The following CHRM2 variants were observed in gnomAD, a reference collection of about 807,000 sequenced individuals.
The protein encoded by CHRM2 is cholinergic receptor muscarinic 2.
A neutral mutation model predicts 25.0 loss-of-function variants in CHRM2; 8 were observed. The ratio of observed to expected loss-of-function variants is 0.32; its 90% confidence interval spans 0.19 to 0.58. The LOEUF (loss-of-function observed/expected upper bound fraction) is 0.58, where lower values mean the gene tolerates loss of function less well. Ranked by LOEUF, CHRM2 falls within the 20% of genes least tolerant of loss-of-function variation. The pLI, the probability that CHRM2 is intolerant of heterozygous loss-of-function variation, is 0.88. For missense variants in CHRM2, 440 were observed against 567.1 expected (o/e 0.78, Z 2.28); for synonymous variants, 202 against 205.7 (o/e 0.98, Z 0.15).
chr7:136,878,918 G>C (rs954815062), intron 2 of CHRM2, among the ~76,000 whole-genome samples: 1 of 151,748 alleles, frequency 6.6e-6, no homozygotes, highest in Non-Finnish European at 1.5e-5. Flanking sequence ...TTCTGATAAG[G>C]CTAAGGAAAA....
At chr7:137,008,759 C>A (rs1804615721) in intron 3 of CHRM2, among the ~76,000 whole-genome samples, 1 of 152,198 alleles carries the variant, frequency 6.6e-6, no homozygotes, top group Non-Finnish European at 1.5e-5. Flanking sequence ...CATTTCCAAA[C>A]TTTCTTCTTG....
At chr7:136,888,416 T>C (rs1384901573) in intron 2 of CHRM2, among the ~76,000 whole-genome samples, 1 of 152,142 alleles carries the variant, frequency 6.6e-6, no homozygotes, top group Non-Finnish European at 1.5e-5. Flanking sequence ...AGTTGACCTG[T>C]TGTTGTTGGA....
At chr7:136,900,675 G>T (rs900917445) in intron 2 of CHRM2, among the ~76,000 whole-genome samples, 1 of 152,036 alleles carries the variant, frequency 6.6e-6, no homozygotes, top group African/African-American at 2.4e-5. Context: ...AGAATTGCTC[G>T]TCTCATAATT....
chr7:136,921,206 G>A (rs1004408592), intron 2 of CHRM2, among the ~76,000 whole-genome samples: 2 of 152,040 alleles, frequency 1.3e-5, no homozygotes, highest in African/African-American at 4.8e-5. Context: ...CTAACCTCCA[G>A]GTCGTTCTGT....
rs1795732719 is a variant in CHRM2 at position 136,869,593 on chromosome 7, C to T, written c.-125+175C>T. ...CAAACGGAAACTTTGGATCCTGGGGCTTGGAGGGTTGCGAGCAGTGATGGC... is the reference window on the plus strand; with the variant it reads ...CAAACGGAAACTTTGGATCCTGGGGTTTGGAGGGTTGCGAGCAGTGATGGC... On this transcript the variant is annotated intron_variant, in intron 2 of 3. Coordinates refer to ENST00000680005, the MANE Select transcript of CHRM2 (RefSeq NM_001006630.2). This position sits in a 1 kb window ranked among gnomAD's most constrained non-coding sequence, Gnocchi z 4.9. Among the ~76,000 whole-genome samples, 1 of 152,164 alleles carries T rather than the reference C, an allele frequency of 6.6e-6. No homozygotes were observed. The highest frequency in any genetic ancestry group is 2.4e-5 in the African/African-American group (1 of 41,446).
chr7:136,986,024 A>G (rs1364200636), intron 2 of CHRM2, among the ~76,000 whole-genome samples: 2 of 152,246 alleles, frequency 1.3e-5, no homozygotes, highest in South Asian at 4.1e-4. Flanking sequence ...TTTTTATATA[A>G]ATGAATGGAT....
chr7:136,936,507 T>G (rs986346442), intron 2 of CHRM2, among the ~76,000 whole-genome samples: 1 of 152,166 alleles, frequency 6.6e-6, no homozygotes, highest in Non-Finnish European at 1.5e-5. Flanking sequence ...ATGAATGACA[T>G]GATTGAAACT....
At position 136,908,733 on chromosome 7, in the gene CHRM2, C is replaced by T. The variant is rs191836699; in HGVS notation, c.-125+39315C>T. On this transcript the variant is annotated intron_variant, in intron 2 of 3. Transcript: ENST00000680005. Reference sequence around the variant, plus strand: ...CAAATTTCTGACGGAATTAATTTATCTATAAATTTTAGTTATTTTGTTGAT... The same window carrying T: ...CAAATTTCTGACGGAATTAATTTATTTATAAATTTTAGTTATTTTGTTGAT... Among the ~76,000 whole-genome samples, 8 of 151,952 alleles carry T rather than the reference C, an allele frequency of 5.3e-5. No homozygotes were observed. In the East Asian group the frequency reaches 1.6e-3, roughly 30 times the overall value.
At chr7:136,978,469 T>C (rs987332204) in intron 2 of CHRM2, among the ~76,000 whole-genome samples, 5 of 152,190 alleles carry the variant, frequency 3.3e-5, no homozygotes, top group African/African-American at 1.2e-4. Flanking sequence ...TTTTTTATTG[T>C]ACTTTAAGTT....
chr7:136,907,875 A>G (rs1460697439), intron 2 of CHRM2: 3 of 151,980 alleles, frequency 2.0e-5, no homozygotes, highest in Admixed American at 6.6e-5. Context: ...AGCAGGGGAT[A>G]TTCCGTCTCC....
At chr7:136,963,917 C>T (rs1801251295) in intron 2 of CHRM2, among the ~76,000 whole-genome samples, 1 of 152,144 alleles carries the variant, frequency 6.6e-6, no homozygotes, top group Non-Finnish European at 1.5e-5. Context: ...CAGAGACACC[C>T]TTGTCTTTTG....
chr7:136,891,448 T>C (rs1563048585), intron 2 of CHRM2, among the ~76,000 whole-genome samples: 1 of 152,168 alleles, frequency 6.6e-6, no homozygotes, highest in Non-Finnish European at 1.5e-5. Context: ...GTGATGGGGT[T>C]TGGGGGATGA....
At chr7:136,982,201 T>C (rs1484416246) in intron 2 of CHRM2, among the ~76,000 whole-genome samples, 1 of 152,160 alleles carries the variant, frequency 6.6e-6, no homozygotes, top group Non-Finnish European at 1.5e-5. Context: ...TTATGTAATA[T>C]ACTTCTTCGT....
At chr7:136,981,451 G>A (rs993385559) in intron 2 of CHRM2, among the ~76,000 whole-genome samples, 3 of 151,680 alleles carry the variant, frequency 2.0e-5, no homozygotes, top group Non-Finnish European at 4.4e-5. Context: ...TTCACTGAAG[G>A]AAATCTGCTC....
At chr7:136,942,009 T>G (rs1584795215) in intron 2 of CHRM2, among the ~76,000 whole-genome samples, 1 of 151,924 alleles carries the variant, frequency 6.6e-6, no homozygotes, top group Non-Finnish European at 1.5e-5. Flanking sequence ...GCTTGTGAGG[T>G]TTTATGAAAA....
intron 2 of CHRM2, among the ~76,000 whole-genome samples, chr7:136,943,677 G>A (rs1179970132): frequency 1.6e-5 from 2 of 128,488 alleles, no homozygotes; most frequent in Admixed American, 1.5e-4. Flanking sequence ...TTCTTCCAAA[G>A]ACCAGAAAAT....
intron 2 of CHRM2, among the ~76,000 whole-genome samples, chr7:136,939,547 T>G (rs924957824): frequency 2.6e-5 from 4 of 152,240 alleles, no homozygotes; most frequent in African/African-American, 9.6e-5. Context: ...TAGCATTCTA[T>G]GTATATGTTA....
At chr7:136,921,959 G>GTT (rs1449891865) in intron 2 of CHRM2, among the ~76,000 whole-genome samples, 1 of 151,924 alleles carries the variant, frequency 6.6e-6, no homozygotes, top group Non-Finnish European at 1.5e-5. Context: ...TACAGACAGG[G>GTT]TTTTGCCATG....
intron 2 of CHRM2, among the ~76,000 whole-genome samples, chr7:136,927,953 G>A (rs1798842995): frequency 1.3e-5 from 2 of 152,144 alleles, no homozygotes; most frequent in Admixed American, 1.3e-4. Flanking sequence ...TATAGTGTGT[G>A]TAATAAATAA....
Sources: gnomAD v4.1 joint callset for allele counts (sites outside exome capture counted in the v4.1 genomes callset) on GRCh38, gnomAD v4.1.1 for gene constraint, Gnocchi (gnomAD v3.1) non-coding constraint, MANE v1.5 for transcripts, NCBI Gene and HGNC (gene_info 2026-07-23, HGNC 2026-07-21) for gene names.